WARS2: variants seen among roughly 807,000 people sequenced by gnomAD.
The protein encoded by WARS2 is tryptophanyl tRNA synthetase 2, mitochondrial.
In WARS2, 28 loss-of-function variants were observed where a neutral mutation model predicts 36.5. That is an observed-to-expected ratio of 0.77 (90% confidence interval 0.57 to 1.05). The LOEUF is 1.05. WARS2 is among the 50% of genes least tolerant of loss of function. The pLI is 0.00. For synonymous variants in WARS2, 174 were observed against 178.4 expected (o/e 0.98, Z 0.20); for missense variants, 435 against 456.8 (o/e 0.95, Z 0.44).
chr1:119,075,916 A>G (rs1339281968), intron 2 of WARS2, among the ~76,000 whole-genome samples: 1 of 152,238 alleles, frequency 6.6e-6, no homozygotes, highest in Non-Finnish European at 1.5e-5. Context: ...AACAATGGGA[A>G]TCATCCAACA....
intron 1 of WARS2, among the ~76,000 whole-genome samples, chr1:119,107,256 G>C (rs1229373062): frequency 6.6e-6 from 1 of 152,032 alleles, no homozygotes; most frequent in East Asian, 1.9e-4. Flanking sequence ...TCTGTGGTTT[G>C]ACTTCTCATT....
At chr1:119,131,932 A>G (rs1157821595) in intron 1 of WARS2, among the ~76,000 whole-genome samples, 1 of 152,024 alleles carries the variant, frequency 6.6e-6, no homozygotes, top group Non-Finnish European at 1.5e-5. Flanking sequence ...ATGGCAATGG[A>G]AAGAATCCTA....
chr1:119,067,364 T>A (rs986288865), intron 2 of WARS2, among the ~76,000 whole-genome samples: 1 of 152,192 alleles, frequency 6.6e-6, no homozygotes, highest in Non-Finnish European at 1.5e-5. Context: ...ATGTTTAATA[T>A]GTAAAAAACA....
chr1:119,091,788 G>A (rs192260816), intron 1 of WARS2, among the ~76,000 whole-genome samples: 5 of 152,142 alleles, frequency 3.3e-5, no homozygotes, highest in Non-Finnish European at 7.4e-5. Flanking sequence ...TGTGCAACTG[G>A]GAAGATTGAT....
chr1:119,123,936 TCA>T (rs1329992881), intron 1 of WARS2, among the ~76,000 whole-genome samples: 1 of 152,170 alleles, frequency 6.6e-6, no homozygotes, highest in African/African-American at 2.4e-5. Flanking sequence ...AGCTTTGGTC[TCA>T]CATATCTAAC....
chr1:119,055,929 G>A (rs547006907), intron 2 of WARS2, among the ~76,000 whole-genome samples: 38 of 151,500 alleles, frequency 2.5e-4, no homozygotes, highest in African/African-American at 6.8e-4. Flanking sequence ...ATTAGTTTAC[G>A]GAATAAAACT....
intron 1 of WARS2, among the ~76,000 whole-genome samples, chr1:119,109,738 T>C (rs1020252962): frequency 3.9e-5 from 6 of 151,948 alleles, no homozygotes; most frequent in Admixed American, 3.9e-4. Context: ...CTACCATTTT[T>C]GCTACTGTTT....
intron 1 of WARS2, among the ~76,000 whole-genome samples, chr1:119,109,403 T>C (rs587638426): frequency 9.3e-4 from 141 of 152,128 alleles, no homozygotes; most frequent in African/African-American, 3.2e-3. Context: ...AGGATTATCA[T>C]GTCTTTTTAG....
chr1:119,117,019 C>G (rs756078474), intron 1 of WARS2, among the ~76,000 whole-genome samples: 2 of 152,142 alleles, frequency 1.3e-5, no homozygotes, highest in Non-Finnish European at 2.9e-5. Flanking sequence ...AGCTGGGAGG[C>G]TTTTAGGCTA....
chr1:119,074,933 C>T (rs587648009), intron 2 of WARS2, among the ~76,000 whole-genome samples: 1 of 152,064 alleles, frequency 6.6e-6, no homozygotes, highest in South Asian at 2.1e-4. Context: ...TAAGTGGGAA[C>T]TAAACAATAG....
chr1:119,060,460 T>C (rs1418119485), intron 2 of WARS2, among the ~76,000 whole-genome samples: 1 of 152,208 alleles, frequency 6.6e-6, no homozygotes, highest in Non-Finnish European at 1.5e-5. Context: ...AGGACATCAT[T>C]TAACCTTAAT....
At chr1:119,094,941 C>T (rs1216518401) in intron 1 of WARS2, among the ~76,000 whole-genome samples, 1 of 152,096 alleles carries the variant, frequency 6.6e-6, no homozygotes, top group East Asian at 1.9e-4. Context: ...ATCATTAATT[C>T]ACCATCCCTC....
intron 2 of WARS2, among the ~76,000 whole-genome samples, chr1:119,052,035 A>AT (rs1348669304): frequency 3.3e-5 from 5 of 152,034 alleles, no homozygotes; most frequent in African/African-American, 1.2e-4. Context: ...GCTGGGATTA[A>AT]AGGCGTAAGT....
At chr1:119,080,893 CAAGGGGAAGCCT>C in intron 1 of WARS2, among the ~76,000 whole-genome samples, 1 of 152,324 alleles carries the variant, frequency 6.6e-6, no homozygotes, top group South Asian at 2.1e-4. Context: ...GGCATTCATT[CAAGGGGAAGCCT>C]GGAGCATCAA....
chr1:119,098,768 G>A (rs866894382), intron 1 of WARS2, among the ~76,000 whole-genome samples: 7 of 136,474 alleles, frequency 5.1e-5, no homozygotes, highest in Non-Finnish European at 7.8e-5. Context: ...ACAGAGTCTC[G>A]CTCTGTCACC....
chr1:119,127,021 CATCTTCAGTA>C, intron 1 of WARS2: 1 of 750,282 alleles, frequency 1.3e-6, no homozygotes, highest in South Asian at 1.4e-5. Flanking sequence ...TTGCCCTAAA[CATCTTCAGTA>C]ATCAGCTTGA....
chr1:119,105,491 A>G (rs1419898849), intron 1 of WARS2, among the ~76,000 whole-genome samples: 3 of 152,158 alleles, frequency 2.0e-5, no homozygotes, highest in Non-Finnish European at 4.4e-5. Flanking sequence ...CTCAGGAGGT[A>G]GCTTAGGAGC....
rs762744410 is a variant in WARS2 at position 119,085,055 on chromosome 1, C to A, written c.91-8448G>T. ...ACTCCTGCTCCCGGCAGCGCTGGGT[C>A]CTTTTATGCCTATGGGATTTATCTC... On this transcript the variant is annotated intron_variant, in intron 1 of 5. Transcript: ENST00000235521. 136 of 706,608 alleles carry A rather than the reference C, an allele frequency of 1.9e-4. 3 individuals are homozygous for A. Among genetic ancestry groups the A allele is most frequent in the Middle Eastern group, 7.8e-4 (2 of 2,576 alleles). The allele number at this position is 706,608 out of a possible 1,614,324, so 43.8% of individuals were successfully genotyped here. A position where few individuals can be genotyped will look rare whatever the true frequency, so the allele number is the denominator to read the frequency against.
intron 1 of WARS2, among the ~76,000 whole-genome samples, chr1:119,079,788 C>A (rs587650975): frequency 9.2e-5 from 14 of 152,192 alleles, no homozygotes; most frequent in African/African-American, 3.1e-4. Flanking sequence ...GATCCAGGAA[C>A]TGAGGAGGAA....
Sources: allele counts gnomAD v4.1 joint callset (sites outside exome capture counted in the v4.1 genomes callset), GRCh38; gene constraint gnomAD v4.1.1; transcripts MANE v1.5; gene names NCBI Gene and HGNC (gene_info 2026-07-23, HGNC 2026-07-21).